The following TBL3 variants were observed in gnomAD, a reference collection of about 807,000 sequenced individuals.
TBL3 encodes the protein transducin beta-like protein 3.
A neutral mutation model predicts 102.7 loss-of-function variants in TBL3; 71 were observed. That is an observed-to-expected ratio of 0.69 (90% CI 0.57 to 0.84). TBL3 has a LOEUF of 0.84. Ranked by LOEUF, TBL3 falls within the 40% of genes least tolerant of loss-of-function variation. TBL3 has a pLI of 0.00. For missense variants in TBL3, 1,188 were observed against 1,098.5 expected (o/e 1.08, Z -1.15); for synonymous variants, 578 against 477.7 (o/e 1.21, Z -2.74).
In TBL3 at chr16:1,974,522, C is replaced by G. The variant is rs1316536194; in HGVS notation, c.238-16C>G. 1 of 1,597,934 alleles carries G rather than the reference C, an allele frequency of 6.3e-7. No homozygotes were observed. The highest frequency in any genetic ancestry group is 2.2e-5 in the East Asian group (1 of 44,614). ...AGGGTATTGCTGCCCCTCTGCTGAC[C>G]TGTACCCTCCCCCAGGTGCTGGTGA... On this transcript the variant is annotated splice_polypyrimidine_tract_variant and intron_variant, in intron 4 of 21. Transcript: ENST00000568546.
chr16:1,978,176 A>G lies in TBL3; in HGVS notation c.2090A>G (p.Glu697Gly), dbSNP rs1210175125. The change falls in exon 20 of 22, where the codon GAG (glutamate) becomes GGG (glycine). Residue 697 changes from glutamate to glycine, a missense_variant. Physicochemically the swap from Glu to Gly is moderately conservative, Grantham distance 98 (BLOSUM62 -2). Transcript: ENST00000568546. ...QAIRRDPEAC[E>G]KLEATMLRLR... ...ATCCGGAGGGACCCTGAGGCCTGCG[A>G]GAAGCTGGAAGCCACCATGCTCCGA... The G allele has an allele frequency of 6.8e-6, 11 of 1,612,642 alleles. No homozygotes were observed. Among genetic ancestry groups the G allele is most frequent in the Non-Finnish European group, 9.3e-6 (11 of 1,179,890 alleles).
Position 1,974,282 on chromosome 16 carries a change from G to A in TBL3, c.179G>A (p.Ser60Asn), listed in dbSNP as rs1461354302. ...GTGGCCTCGGGGGCCGTGCTGCGGA[G>A]TCTGGAGCAGGTGAGGGCAGCCTGG... ...LEVASGAVLR[S>N]LEQEDQEDIT... The change falls in exon 3 of 22, where the codon AGT becomes AAT. Residue 60 changes from serine to asparagine, a missense_variant. Physicochemically the swap from Ser to Asn is conservative, Grantham distance 46. Transcript: ENST00000568546. 1.9e-6 allele frequency: 3 copies of A among 1,595,314 alleles called. No individual in the cohort carries two copies. Among genetic ancestry groups the A allele is most frequent in the African/African-American group, 2.7e-5 (2 of 74,558 alleles).
chr16:1,974,385 G>A lies in TBL3; in HGVS notation c.199G>A (p.Glu67Lys), dbSNP rs773510236. ...CCACTCTTTCTCCTAGGAGGACCAGGAGGACATCACTGCCTTTGACCTCAG... is the reference window on the plus strand; with the variant it reads ...CCACTCTTTCTCCTAGGAGGACCAGAAGGACATCACTGCCTTTGACCTCAG... ...VLRSLEQEDQ[E>K]DITAFDLSPD... Residue 67 changes from glutamate (E) to lysine (K), a missense_variant, in exon 4 of 22, where the codon GAG becomes AAG. By Grantham distance (56) the Glu-to-Lys change is moderately conservative. Coordinates refer to ENST00000568546, the MANE Select transcript of TBL3 (RefSeq NM_006453.3). The A allele has an allele frequency of 3.7e-6, 6 of 1,610,720 alleles. No individual in the cohort carries two copies. The highest frequency in any genetic ancestry group is 2.2e-5 in the South Asian group (2 of 90,712).
chr16:1,980,194 G>T lies in TBL3; in HGVS notation c.*1509G>T, dbSNP rs2083473441. ...CAGGATCACCCGGCTGGGAAGGGCA[G>T]CCCGTACGAGTGAGAGGTAGGCGGA... On this transcript the variant is annotated 3_prime_UTR_variant, in exon 22 of 22. Coordinates refer to ENST00000568546, the MANE Select transcript of TBL3 (RefSeq NM_006453.3). 3.8e-6 allele frequency: 6 copies of T among 1,590,862 alleles called. No individual in the cohort carries two copies. The highest frequency in any genetic ancestry group is 5.1e-6 in the Non-Finnish European group (6 of 1,171,818).
chr16:1,976,581 C>A (rs545959715), intron 13 of TBL3, among the ~76,000 whole-genome samples: 1 of 152,170 alleles, frequency 6.6e-6, no homozygotes, highest in Non-Finnish European at 1.5e-5. Context: ...GAGAGGTGAC[C>A]CCTGCATGTA....
In TBL3 at chr16:1,972,149, C is replaced by T; in HGVS notation, c.-16C>T. On this transcript the variant is annotated 5_prime_UTR_variant, in exon 1 of 22. Transcript: ENST00000568546. The stretch of plus-strand genomic sequence containing the variant: ...GGACCCTAGCAGGTTTCAGCTGGAG[C>T]GGCGGCGGCGGCAACATGGCAGAGA... 1.4e-6 allele frequency: 2 copies of T among 1,455,746 alleles called. No homozygotes were observed. Among genetic ancestry groups the T allele is most frequent in the Non-Finnish European group, 1.8e-6 (2 of 1,100,948 alleles). 90.2% of individuals were successfully genotyped at this position (1,455,746 alleles called of 1,614,324 possible).
rs202013472 is a variant in TBL3 at position 1,980,644 on chromosome 16, G to A, written c.*1959G>A. 9 of 1,603,374 alleles carry A rather than the reference G, an allele frequency of 5.6e-6. No individual in the cohort carries two copies. The East Asian group carries it at 2.0e-4, about 36-fold the overall frequency. On this transcript the variant is annotated 3_prime_UTR_variant, in exon 22 of 22. Coordinates refer to ENST00000568546, the MANE Select transcript of TBL3 (RefSeq NM_006453.3). Reference sequence around the variant, plus strand: ...ACCGCCTTCCCCGCTCCCGTACCCAGGCTGGCCTGACCGAGAAGCTTTGGG... The same window carrying A: ...ACCGCCTTCCCCGCTCCCGTACCCAAGCTGGCCTGACCGAGAAGCTTTGGG...
intron 18 of TBL3, 27 bp from the exon 19 acceptor site, chr16:1,977,931 C>A: frequency 6.3e-7 from 1 of 1,589,912 alleles, no homozygotes. Context: ...CAGCGGCCCT[C>A]AGTGGCCTCT....
rs1447331406 is a variant in TBL3 at position 1,974,951 on chromosome 16, C to G, written c.488C>G (p.Pro163Arg). ...AGCCTAGTGGCCTTCCACCCGGACC[C>G]TACACGCCTGCTGCTCTTCTCCTCG... is the stretch of plus-strand genomic sequence containing the variant. ...VVHLVAFHPD[P>R]TRLLLFSSAT... is the part of the protein sequence containing the mutation. The change falls in exon 7 of 22, where the codon CCT (proline) becomes CGT (arginine). Residue 163 changes from proline (P) to arginine (R), a missense_variant. Coordinates refer to ENST00000568546, the MANE Select transcript of TBL3 (RefSeq NM_006453.3). The G allele has an allele frequency of 6.2e-7, 1 of 1,610,676 alleles. No homozygotes were observed. Among genetic ancestry groups the G allele is most frequent in the East Asian group, 2.2e-5 (1 of 44,896 alleles).
At position 1,972,121 on chromosome 16, in the gene TBL3, C is replaced by T; in HGVS notation, c.-44C>T. Reference sequence around the variant, plus strand: ...AACCTCCCTCACGCGGCGGTGGCTGCCGGGACCCTAGCAGGTTTCAGCTGG... The same window carrying T: ...AACCTCCCTCACGCGGCGGTGGCTGTCGGGACCCTAGCAGGTTTCAGCTGG... On this transcript the variant is annotated 5_prime_UTR_variant, in exon 1 of 22. Transcript: ENST00000568546. The T allele has an allele frequency of 1.4e-6, 2 of 1,470,012 alleles. No individual in the cohort carries two copies. Among genetic ancestry groups the T allele is most frequent in the Admixed American group, 2.5e-5 (1 of 39,240 alleles). The allele number at this position is 1,470,012 out of a possible 1,614,324, so 91.1% of individuals were successfully genotyped here.
Position 1,981,280 on chromosome 16 carries a change from A to G in TBL3, c.*2595A>G. ...GGGGACCCAGAAAACCCCCTGGGAT[A>G]GAATCCTGGCAACACCTCAAGCCTG... On this transcript the variant is annotated 3_prime_UTR_variant, in exon 22 of 22. Coordinates refer to ENST00000568546, the MANE Select transcript of TBL3 (RefSeq NM_006453.3). The G allele has an allele frequency of 6.5e-7, 1 of 1,545,178 alleles. No homozygotes were observed. The highest frequency in any genetic ancestry group is 8.7e-7 in the Non-Finnish European group (1 of 1,147,910).
intron 4 of TBL3, 45 bp from the exon 5 acceptor site, chr16:1,974,493 G>C (rs774060826): frequency 1.9e-6 from 3 of 1,586,900 alleles, no homozygotes; most frequent in African/African-American, 1.3e-5. Flanking sequence ...AGGAAGATGT[G>C]AGCAGGGTAT....
In TBL3 at chr16:1,981,222, C is replaced by CG; in HGVS notation, c.*2537_*2538insG. ...TGCAGATTCCTGAAATGGGCGAGGA[C>CG]CCTTCTGCCTCCCCGTGCTTGAGAG... On this transcript the variant is annotated 3_prime_UTR_variant, in exon 22 of 22. Transcript: ENST00000568546. 1 of 1,611,870 alleles carries CG rather than the reference C, an allele frequency of 6.2e-7. No individual in the cohort carries two copies. Among genetic ancestry groups the CG allele is most frequent in the Non-Finnish European group, 8.5e-7 (1 of 1,179,438 alleles).
In TBL3 at chr16:1,981,475, A is replaced by C. The variant is rs1454260535; in HGVS notation, c.*2790A>C. 3.6e-6 allele frequency: 2 copies of C among 549,030 alleles called. No individual in the cohort carries two copies. Among genetic ancestry groups the C allele is most frequent in the East Asian group, 7.2e-5 (2 of 27,942 alleles). 34.0% of individuals were successfully genotyped at this position (549,030 alleles called of 1,614,324 possible). A position where few individuals can be genotyped will look rare whatever the true frequency, so the allele number is the denominator to read the frequency against. Reference sequence around the variant, plus strand: ...CCCTGGAGGCGTGCAAGACTGAAGAAGGGGCGAAGGGTAGGCGGGACTGCT... The same window carrying C: ...CCCTGGAGGCGTGCAAGACTGAAGACGGGGCGAAGGGTAGGCGGGACTGCT... On this transcript the variant is annotated 3_prime_UTR_variant, in exon 22 of 22. Transcript: ENST00000568546.
chr16:1,977,460 G>T, intron 16 of TBL3, 34 bp downstream of exon 16: 1 of 1,609,258 alleles, frequency 6.2e-7, no homozygotes, highest in Non-Finnish European at 8.5e-7. Flanking sequence ...CGATGGAGTG[G>T]GGGGTGGCGG....
At position 1,978,802 on chromosome 16, in the gene TBL3, T is replaced by C. The variant is rs2083430359; in HGVS notation, c.*117T>C. The C allele has an allele frequency of 5.3e-6, 7 of 1,314,994 alleles. No individual in the cohort carries two copies. In the South Asian group the frequency reaches 9.8e-5, roughly 18 times the overall value. 81.5% of individuals were successfully genotyped at this position (1,314,994 alleles called of 1,614,324 possible). On this transcript the variant is annotated 3_prime_UTR_variant, in exon 22 of 22. Coordinates refer to ENST00000568546, the MANE Select transcript of TBL3 (RefSeq NM_006453.3). ...CAGCCCCCCACCCTGGCCAACACCC[T>C]ACCTAGCCAGCCAGAAGGGCACTGG...
rs749222394 is a variant in TBL3 at position 1,979,315 on chromosome 16, G to C, written c.*630G>C. 9 of 1,572,728 alleles carry C rather than the reference G, an allele frequency of 5.7e-6. No individual in the cohort carries two copies. The highest frequency in any genetic ancestry group is 7.7e-6 in the Non-Finnish European group (9 of 1,166,862). ...GCGCCCAGCCCTTCCGGCCGCAGCAGCACCGCGGGGAGTAGGCCCGCCCGG... is the reference window on the plus strand; with the variant it reads ...GCGCCCAGCCCTTCCGGCCGCAGCACCACCGCGGGGAGTAGGCCCGCCCGG... On this transcript the variant is annotated 3_prime_UTR_variant, in exon 22 of 22. Coordinates refer to ENST00000568546, the MANE Select transcript of TBL3 (RefSeq NM_006453.3).
In TBL3 at chr16:1,980,411, G is replaced by A. The variant is rs776604039; in HGVS notation, c.*1726G>A. The stretch of plus-strand genomic sequence containing the variant: ...GCTCCAGGTCCAGGGGTTGCGGTGC[G>A]AAGAAGCCAGTGATCGTCGGGCTCC... On this transcript the variant is annotated 3_prime_UTR_variant, in exon 22 of 22. Transcript: ENST00000568546. 6.9e-6 allele frequency: 11 copies of A among 1,602,820 alleles called. No individual in the cohort carries two copies. In the Middle Eastern group the frequency reaches 6.7e-4, roughly 98 times the overall value.
At position 1,980,506 on chromosome 16, in the gene TBL3, C is replaced by A; in HGVS notation, c.*1821C>A. 6.2e-7 allele frequency: 1 copy of A among 1,603,174 alleles called. No individual in the cohort carries two copies. On this transcript the variant is annotated 3_prime_UTR_variant, in exon 22 of 22. Transcript: ENST00000568546. ...TCCAACAGCTGCAGGCGCGCCAGGC[C>A]GCGGCTCGTGCGCCCCACGCGTCCC...
Sources: allele counts gnomAD v4.1 joint callset (sites outside exome capture counted in the v4.1 genomes callset), GRCh38; gene constraint gnomAD v4.1.1; transcripts MANE v1.5; gene names NCBI Gene and HGNC (gene_info 2026-07-23, HGNC 2026-07-21).